EPS15: variants seen among roughly 807,000 people sequenced by gnomAD.
EPS15 encodes epidermal growth factor receptor substrate 15.
EPS15 carries 72 observed loss-of-function variants against 113.8 expected under a neutral mutation model. That is an observed-to-expected ratio of 0.63 (90% confidence interval 0.52 to 0.77). The LOEUF is 0.77. EPS15 is among the 30% of genes least tolerant of loss of function. The probability of loss-of-function intolerance (pLI) is 0.00; values close to 1 mark genes in which losing one functional copy is unlikely to be tolerated. For synonymous variants in EPS15, 344 were observed against 363.4 expected (o/e 0.95, Z 0.61); for missense variants, 1,048 against 1,045.8 (o/e 1.00, Z -0.03).
In EPS15 at chr1:51,361,175, C is replaced by A. The variant is rs1046245249; in HGVS notation, c.2540G>T (p.Ser847Ile). The A allele has an allele frequency of 6.2e-7, 1 of 1,613,212 alleles. No homozygotes were observed. Among genetic ancestry groups the A allele is most frequent in the Non-Finnish European group, 8.5e-7 (1 of 1,179,258 alleles). ...EADPSNFANF[S>I]AYPSEEDMIE... ...CAGCTCATTCACAGTACTTACAGCA[C>A]TGAAGTTGGCAAAATTGCTTGGATC... Residue 847 changes from serine to isoleucine, a missense_variant, in exon 24 of 25, where the codon AGT (serine) becomes ATT (isoleucine). Ser to Ile is a moderately radical substitution (Grantham distance 142). Transcript: ENST00000371733.
rs1557494508 is a variant in EPS15 at position 51,463,746 on chromosome 1, T to C, written c.428A>G (p.Asn143Ser). 6.2e-7 allele frequency: 1 copy of C among 1,604,018 alleles called. No individual in the cohort carries two copies. The highest frequency in any genetic ancestry group is 8.5e-7 in the Non-Finnish European group (1 of 1,171,412). ...CACTTTATCACCAGACAGAAATCCA[T>C]TCACTGGGCTTAAACTATCAAATAT... ...DAIFDSLSPV[N>S]GFLSGDKVKP... Residue 143 changes from asparagine to serine, a missense_variant, in exon 7 of 25, where the codon AAT becomes AGT. Asn to Ser is a conservative substitution (Grantham distance 46). Coordinates refer to ENST00000371733, the MANE Select transcript of EPS15 (RefSeq NM_001981.3).
intron 8 of EPS15, among the ~76,000 whole-genome samples, chr1:51,460,010 A>C (rs939010882): frequency 3.9e-5 from 6 of 152,160 alleles, no homozygotes; most frequent in African/African-American, 1.2e-4. Flanking sequence ...TAAAAGTCAA[A>C]ATATAATAGA....
chr1:51,487,190 C>A (rs1177972107), intron 1 of EPS15, among the ~76,000 whole-genome samples: 1 of 151,906 alleles, frequency 6.6e-6, no homozygotes, highest in Admixed American at 6.6e-5. Context: ...CTAGTAAAAC[C>A]AGATGGAAAA....
chr1:51,392,132 G>A (rs1647437004), intron 21 of EPS15, among the ~76,000 whole-genome samples: 2 of 152,142 alleles, frequency 1.3e-5, no homozygotes, highest in African/African-American at 4.8e-5. Context: ...TATCAACAAA[G>A]GAGATTAAAG....
At chr1:51,374,423 C>T (rs1366311525) in intron 21 of EPS15, among the ~76,000 whole-genome samples, 1 of 152,090 alleles carries the variant, frequency 6.6e-6, no homozygotes, top group Non-Finnish European at 1.5e-5. Flanking sequence ...TCGAGACCAG[C>T]CTGGCCAACG....
chr1:51,465,406 A>C, intron 5 of EPS15, 80 bp from the exon 6 acceptor site: 1 of 878,842 alleles, frequency 1.1e-6, no homozygotes, highest in South Asian at 1.6e-5. Context: ...TTTTGGATTT[A>C]AATATGTTCA....
intron 13 of EPS15, among the ~76,000 whole-genome samples, chr1:51,419,860 A>T (rs947845104): frequency 3.3e-5 from 5 of 152,120 alleles, no homozygotes; most frequent in Non-Finnish European, 7.4e-5. Context: ...CAGAAAATTG[A>T]AAATGATCAC....
chr1:51,386,949 G>A (rs1265396256), intron 21 of EPS15, among the ~76,000 whole-genome samples: 2 of 151,604 alleles, frequency 1.3e-5, no homozygotes, highest in East Asian at 1.9e-4. Context: ...CCAACATTCA[G>A]ATTCAGGAAA....
intron 21 of EPS15, among the ~76,000 whole-genome samples, chr1:51,377,225 T>C (rs1283139393): frequency 2.6e-5 from 4 of 151,972 alleles, no homozygotes; most frequent in South Asian, 4.2e-4. Context: ...GACAGCTCCA[T>C]TGCACTCCAG....
intron 21 of EPS15, among the ~76,000 whole-genome samples, chr1:51,381,579 C>A (rs1274583447): frequency 1.3e-5 from 2 of 152,006 alleles, no homozygotes; most frequent in African/African-American, 4.8e-5. Context: ...GGTGGCAGAA[C>A]GAGGCTCTAT....
At chr1:51,489,741 GT>G (rs914499797) in intron 1 of EPS15, among the ~76,000 whole-genome samples, 1 of 152,106 alleles carries the variant, frequency 6.6e-6, no homozygotes, top group African/African-American at 2.4e-5. Context: ...CATATAACTT[GT>G]TTTGGCCACT....
At position 51,364,006 on chromosome 1, in the gene EPS15, C is replaced by A; in HGVS notation, c.2219G>T (p.Arg740Leu). 2 of 1,611,508 alleles carry A rather than the reference C, an allele frequency of 1.2e-6. No homozygotes were observed. The highest frequency in any genetic ancestry group is 1.7e-6 in the Non-Finnish European group (2 of 1,178,688). ...LSKVNNEDPF[R>L]SATSSSVSNV... Reference sequence around the variant, plus strand: ...GCTGACAGAGCTCGATGTGGCTGAACGAAAAGGATCTTCATTGTTGACCTT... The same window carrying A: ...GCTGACAGAGCTCGATGTGGCTGAAAGAAAAGGATCTTCATTGTTGACCTT... Residue 740 changes from arginine to leucine, a missense_variant, in exon 23 of 25, where the codon CGT becomes CTT. Arg to Leu is a moderately radical substitution (Grantham distance 102, BLOSUM62 -2). Transcript: ENST00000371733.
At chr1:51,460,234 A>G (rs1654339115) in intron 8 of EPS15, among the ~76,000 whole-genome samples, 1 of 152,222 alleles carries the variant, frequency 6.6e-6, no homozygotes, top group African/African-American at 2.4e-5. Context: ...ATCTGAGAGT[A>G]AAAGGGAAAT....
intron 10 of EPS15, among the ~76,000 whole-genome samples, chr1:51,445,422 A>G (rs1268939081): frequency 2.6e-5 from 4 of 152,218 alleles, no homozygotes; most frequent in Non-Finnish European, 5.9e-5. Flanking sequence ...AATTTGATTC[A>G]CTGGTGGCAT....
At chr1:51,389,800 T>A (rs1647208011) in intron 21 of EPS15, among the ~76,000 whole-genome samples, 1 of 152,136 alleles carries the variant, frequency 6.6e-6, no homozygotes, top group South Asian at 2.1e-4. Flanking sequence ...AAACCACTGC[T>A]CAATGAAATA....
At position 51,400,939 on chromosome 1, in the gene EPS15, C is replaced by G; in HGVS notation, c.1897G>C (p.Asp633His). 6.3e-7 allele frequency: 1 copy of G among 1,586,426 alleles called. No homozygotes were observed. Among genetic ancestry groups the G allele is most frequent in the Non-Finnish European group, 8.6e-7 (1 of 1,165,160 alleles). The change falls in exon 19 of 25, where the codon GAT (aspartate) becomes CAT (histidine). Residue 633 changes from aspartate to histidine, a missense_variant. Coordinates refer to ENST00000371733, the MANE Select transcript of EPS15 (RefSeq NM_001981.3). The stretch of plus-strand genomic sequence containing the variant: ...TGACCGATTTTTCCAAAAGGATCAT[C>G]CTTGAAAGGATCACCTGTGATAAAA... ...DPFVGSDPFK[D>H]DPFGKIDPFG...
At chr1:51,423,565 A>C (rs1650963124) in intron 12 of EPS15, 1 of 985,410 alleles carries the variant, frequency 1.0e-6, no homozygotes, top group African/African-American at 1.7e-5. Flanking sequence ...ACACAAGGTC[A>C]GTATCAACTC....
Position 51,361,461 on chromosome 1 carries a change from T to G in EPS15, c.2360-106A>C, listed in dbSNP as rs139867824. ...TAAAGTACTGTGGGTAGAGGATGAT[T>G]GAGTACCTAAAACACATTCTGAATA... On this transcript the variant is annotated intron_variant, in intron 23 of 24. Coordinates refer to ENST00000371733, the MANE Select transcript of EPS15 (RefSeq NM_001981.3). 31 of 791,400 alleles carry G rather than the reference T, an allele frequency of 3.9e-5. No homozygotes were observed. The East Asian group carries it at 8.0e-4, about 20-fold the overall frequency. The allele number at this position is 791,400 out of a possible 1,614,324, so 49.0% of individuals were successfully genotyped here.
At chr1:51,494,026 T>G (rs1644287155) in intron 1 of EPS15, among the ~76,000 whole-genome samples, 1 of 152,162 alleles carries the variant, frequency 6.6e-6, no homozygotes. Flanking sequence ...ACTGTCATCT[T>G]CTCTACCCCA....
Sources: allele counts gnomAD v4.1 joint callset (sites outside exome capture counted in the v4.1 genomes callset), GRCh38; gene constraint gnomAD v4.1.1; transcripts MANE v1.5; gene names NCBI Gene and HGNC (gene_info 2026-07-23, HGNC 2026-07-21).